Variants in BTC observed in about 807,000 individuals in gnomAD.
BTC encodes betacellulin, also known as probetacellulin.
A neutral mutation model predicts 18.1 loss-of-function variants in BTC; 13 were observed. The ratio of observed to expected loss-of-function variants is 0.72; its 90% CI spans 0.47 to 1.14. The LOEUF (loss-of-function observed/expected upper bound fraction) is 1.14. Among genes scored for constraint, BTC ranks in the 50% most tolerant of loss-of-function variants. BTC has a pLI of 0.00. For missense variants in BTC, 247 were observed against 224.2 expected (o/e 1.10, Z -0.65); for synonymous variants, 83 against 79.4 (o/e 1.05, Z -0.24).
At chr4:74,758,756 G>T (rs1282952083) in intron 2 of BTC, among the ~76,000 whole-genome samples, 2 of 152,114 alleles carry the variant, frequency 1.3e-5, no homozygotes, top group Admixed American at 6.5e-5. Flanking sequence ...GGAAATATTT[G>T]CCAGGTCCTG....
intron 1 of BTC, 66 bp downstream of exon 1, chr4:74,794,196 C>T: frequency 1.3e-6 from 2 of 1,538,880 alleles, no homozygotes; most frequent in Non-Finnish European, 1.8e-6. Context: ...GTTCAGGGTT[C>T]GCCCTCCCCG....
chr4:74,778,740 C>G (rs986797606), intron 1 of BTC, among the ~76,000 whole-genome samples: 16 of 152,072 alleles, frequency 1.1e-4, no homozygotes, highest in African/African-American at 3.9e-4. Context: ...ACAGAGAGGC[C>G]AGAACTCATG....
At chr4:74,753,071 G>A (rs1490401627) in intron 3 of BTC, among the ~76,000 whole-genome samples, 1 of 152,188 alleles carries the variant, frequency 6.6e-6, no homozygotes, top group Non-Finnish European at 1.5e-5. Context: ...TATTTTCAGT[G>A]AGTGTATCTC....
rs1725717394 is a variant in BTC, at chr4:74,794,371, C to T, written c.-46G>A. On this transcript the variant is annotated 5_prime_UTR_variant, in exon 1 of 6. Coordinates refer to ENST00000395743, the MANE Select transcript of BTC (RefSeq NM_001729.4). ...GGGCAGCCCCTAGACAAGTCTCCCTCCTTCTTCGCCCCCTTCCCGGGCCTC... is the reference window on the plus strand; with the variant it reads ...GGGCAGCCCCTAGACAAGTCTCCCTTCTTCTTCGCCCCCTTCCCGGGCCTC... 6.8e-7 allele frequency: 1 copy of T among 1,477,744 alleles called. No homozygotes were observed. Among genetic ancestry groups the T allele is most frequent in the Non-Finnish European group, 9.0e-7 (1 of 1,114,144 alleles). 91.5% of individuals were successfully genotyped at this position (1,477,744 alleles called of 1,614,324 possible).
chr4:74,785,067 G>T (rs1209949549), intron 1 of BTC, among the ~76,000 whole-genome samples: 1 of 151,914 alleles, frequency 6.6e-6, no homozygotes, highest in African/African-American at 2.4e-5. Flanking sequence ...GGCTTTTTTT[G>T]GTTGGTAGGC....
rs538042026 is a variant in BTC at position 74,789,408 on chromosome 4, G to A, written c.64+4854C>T. Among the ~76,000 whole-genome samples the A allele has an allele frequency of 2.4e-3, 363 of 152,210 alleles. 3 individuals are homozygous for A. Among genetic ancestry groups the A allele is most frequent in the African/African-American group, 7.9e-3 (326 of 41,528 alleles). ...GAAAAGTTATCTGAATATTCACAAA[G>A]TTAAAATAGTAATAATACATTGAAT... is the stretch of plus-strand genomic sequence containing the variant. On this transcript the variant is annotated intron_variant, in intron 1 of 5. Transcript: ENST00000395743.
intron 1 of BTC, among the ~76,000 whole-genome samples, chr4:74,788,493 G>T (rs1259750588): frequency 6.6e-6 from 1 of 152,124 alleles, no homozygotes; most frequent in Non-Finnish European, 1.5e-5. Context: ...CATTTGGAAT[G>T]AACATTTCTA....
intron 1 of BTC, among the ~76,000 whole-genome samples, chr4:74,785,785 C>A (rs1725462513): frequency 6.6e-6 from 1 of 152,202 alleles, no homozygotes; most frequent in South Asian, 2.1e-4. Context: ...TATCACCTCA[C>A]ACATATAGTT....
intron 1 of BTC, among the ~76,000 whole-genome samples, chr4:74,784,643 G>T (rs1160626354): frequency 1.3e-5 from 2 of 152,146 alleles, no homozygotes; most frequent in African/African-American, 4.8e-5. Flanking sequence ...AAGGGATGTT[G>T]AATTTTATCA....
At chr4:74,771,113 C>T (rs375401260) in intron 1 of BTC, among the ~76,000 whole-genome samples, 1 of 151,802 alleles carries the variant, frequency 6.6e-6, no homozygotes, top group Non-Finnish European at 1.5e-5. Flanking sequence ...TTATGTTGTC[C>T]TCTCTGGTTC....
chr4:74,764,779 A>G (rs1482556354), intron 2 of BTC, among the ~76,000 whole-genome samples: 1 of 152,182 alleles, frequency 6.6e-6, no homozygotes, highest in Non-Finnish European at 1.5e-5. Flanking sequence ...ATAAGCTATG[A>G]AGATGCTGTA....
At chr4:74,750,941 T>C (rs1452177245) in intron 3 of BTC, among the ~76,000 whole-genome samples, 1 of 152,212 alleles carries the variant, frequency 6.6e-6, no homozygotes, top group Non-Finnish European at 1.5e-5. Context: ...TTGATATGTC[T>C]AATATAAATA....
chr4:74,782,509 G>A (rs974537058), intron 1 of BTC, among the ~76,000 whole-genome samples: 12 of 152,152 alleles, frequency 7.9e-5, no homozygotes, highest in African/African-American at 2.9e-4. Flanking sequence ...TCACTGATGG[G>A]CATTTAGGCT....
chr4:74,793,687 C>G (rs895264336), intron 1 of BTC, among the ~76,000 whole-genome samples: 1 of 152,124 alleles, frequency 6.6e-6, no homozygotes, highest in Non-Finnish European at 1.5e-5. Context: ...AGTTCTGACT[C>G]CTAAGGAGGC....
At chr4:74,764,365 A>G (rs1196493100) in intron 2 of BTC, among the ~76,000 whole-genome samples, 1 of 152,108 alleles carries the variant, frequency 6.6e-6, no homozygotes, top group Non-Finnish European at 1.5e-5. Context: ...ACTATGGAAG[A>G]CGTGTGATGG....
chr4:74,752,547 T>G (rs1401058223), intron 3 of BTC, among the ~76,000 whole-genome samples: 1 of 151,970 alleles, frequency 6.6e-6, no homozygotes, highest in Non-Finnish European at 1.5e-5. Flanking sequence ...GCCCAGCTAA[T>G]TCTTATATTT....
chr4:74,748,531 G>A (rs1206515793), intron 4 of BTC, among the ~76,000 whole-genome samples: 10 of 150,654 alleles, frequency 6.6e-5, no homozygotes, highest in African/African-American at 1.5e-4. Context: ...GTGAGACTCC[G>A]TCACAAAAAA....
At chr4:74,753,417 C>T (rs1724515384) in intron 3 of BTC, among the ~76,000 whole-genome samples, 1 of 152,184 alleles carries the variant, frequency 6.6e-6, no homozygotes, top group African/African-American at 2.4e-5. Flanking sequence ...GTCTGGCTCT[C>T]AAGTTCATGC....
intron 3 of BTC, among the ~76,000 whole-genome samples, chr4:74,752,824 G>C (rs377546167): frequency 1.4e-4 from 22 of 152,064 alleles, no homozygotes; most frequent in African/African-American, 4.3e-4. Flanking sequence ...TTAAACAATA[G>C]CTTTGTCCAT....
Sources: allele counts gnomAD v4.1 joint callset (sites outside exome capture counted in the v4.1 genomes callset), GRCh38; gene constraint gnomAD v4.1.1; transcripts MANE v1.5; gene names NCBI Gene and HGNC (gene_info 2026-07-23, HGNC 2026-07-21).